ZNF385B: variants seen among roughly 807,000 people sequenced by gnomAD.
The protein encoded by ZNF385B is zinc finger protein 533.
In ZNF385B, 23 loss-of-function variants were observed where a neutral mutation model predicts 39.2. The ratio of observed to expected loss-of-function variants is 0.59; its 90% CI spans 0.42 to 0.83. The LOEUF (loss-of-function observed/expected upper bound fraction) is 0.83. Among genes scored for constraint, ZNF385B ranks in the 40% least tolerant of loss-of-function variants. The pLI, the probability that ZNF385B is intolerant of heterozygous loss-of-function variation, is 0.00. For synonymous variants in ZNF385B, 205 were observed against 222.6 expected, an observed-to-expected ratio of 0.92 and a Z score of 0.70; for missense variants, 552 against 598.9, an observed-to-expected ratio of 0.92 and a Z score of 0.82.
chr2:179,750,475 A>G (rs962153910), intron 3 of ZNF385B, among the ~76,000 whole-genome samples: 1 of 152,176 alleles, frequency 6.6e-6, no homozygotes, highest in Non-Finnish European at 1.5e-5. Context: ...TACTATATGT[A>G]TCATCACCAG....
rs1491147446 is a variant in ZNF385B, at chr2:179,493,715, G to GTATA, written c.553-10282_553-10281insTATA. 4.7e-3 allele frequency among the ~76,000 whole-genome samples: 239 copies of GTATA among 51,052 alleles called. 3 individuals are homozygous for GTATA. Among genetic ancestry groups the GTATA allele is most frequent in the East Asian group, 0.01 (12 of 1,160 alleles). The allele number at this position is 51,052 out of a possible 152,430, so 33.5% of individuals were successfully genotyped here. On this transcript the variant is annotated intron_variant, in intron 5 of 9. Transcript: ENST00000410066. ...TATATACATATATGTATACACATATGCATATACGTATATACATATATGTAT... is the reference window on the plus strand; with the variant it reads ...TATATACATATATGTATACACATATGTATACATATACGTATATACATATATGTAT...
chr2:179,639,893 A>G (rs944537209), intron 3 of ZNF385B, among the ~76,000 whole-genome samples: 15 of 152,190 alleles, frequency 9.9e-5, no homozygotes, highest in African/African-American at 2.9e-4. Context: ...TTATCTCAAC[A>G]TTGCCAGTAA....
chr2:179,823,271 T>C (rs945892176), intron 1 of ZNF385B, among the ~76,000 whole-genome samples: 3 of 152,248 alleles, frequency 2.0e-5, no homozygotes, highest in Non-Finnish European at 4.4e-5. Flanking sequence ...ATTACAAAGC[T>C]GCAGCACAAG....
At chr2:179,456,006 T>C (rs991627932) in intron 6 of ZNF385B, among the ~76,000 whole-genome samples, 1 of 152,154 alleles carries the variant, frequency 6.6e-6, no homozygotes, top group Admixed American at 6.5e-5. Context: ...GTGAGTACTA[T>C]ACACTGAATG....
intron 4 of ZNF385B, among the ~76,000 whole-genome samples, chr2:179,521,364 T>TTTG (rs2058489795): frequency 6.8e-6 from 1 of 147,364 alleles, no homozygotes; most frequent in African/African-American, 2.5e-5. Flanking sequence ...TTTTTTTTTT[T>TTTG]TTTTTTTGTA....
chr2:179,734,962 T>C (rs552066800), intron 3 of ZNF385B, among the ~76,000 whole-genome samples: 4 of 152,128 alleles, frequency 2.6e-5, no homozygotes, highest in South Asian at 2.1e-4. Context: ...ATTCAGGACA[T>C]AGGCATGGGC....
At chr2:179,545,578 A>G (rs575711250) in intron 3 of ZNF385B, among the ~76,000 whole-genome samples, 162 of 152,284 alleles carry the variant, frequency 1.1e-3, no homozygotes, top group Non-Finnish European at 1.9e-3. Flanking sequence ...AGGGTTGATT[A>G]TGGCTTGGCT....
rs373686757 is a variant in ZNF385B at position 179,544,974 on chromosome 2, C to A, written c.299-5G>T. On this transcript the variant is annotated splice_region_variant and splice_polypyrimidine_tract_variant and intron_variant, in intron 3 of 9. Transcript: ENST00000410066. ...TAGTAGTGTGGCATGTACTGCCTGCCAAGAACAAAACAAAAATGAATTCAA... is the reference window on the plus strand; with the variant it reads ...TAGTAGTGTGGCATGTACTGCCTGCAAAGAACAAAACAAAAATGAATTCAA... The A allele has an allele frequency of 1.2e-6, 2 of 1,613,614 alleles. No homozygotes were observed. Among genetic ancestry groups the A allele is most frequent in the South Asian group, 2.2e-5 (2 of 91,054 alleles).
intron 3 of ZNF385B, among the ~76,000 whole-genome samples, chr2:179,708,997 T>C (rs1470078496): frequency 6.6e-6 from 1 of 152,192 alleles, no homozygotes; most frequent in East Asian, 1.9e-4. Flanking sequence ...CATCTGATGA[T>C]AAGAGAGGCG....
At chr2:179,781,591 A>G (rs563552110) in intron 1 of ZNF385B, among the ~76,000 whole-genome samples, 1 of 152,336 alleles carries the variant, frequency 6.6e-6, no homozygotes, top group South Asian at 2.1e-4. Flanking sequence ...AGGCAAAGAC[A>G]TAGAAAGTAT....
At chr2:179,854,390 C>A (rs1575602835) in intron 1 of ZNF385B, among the ~76,000 whole-genome samples, 1 of 151,870 alleles carries the variant, frequency 6.6e-6, no homozygotes, top group Non-Finnish European at 1.5e-5. Context: ...TCTAAACATA[C>A]AATGACACTG....
intron 3 of ZNF385B, among the ~76,000 whole-genome samples, chr2:179,726,269 G>A (rs1701013797): frequency 6.6e-6 from 1 of 151,844 alleles, no homozygotes; most frequent in East Asian, 1.9e-4. Flanking sequence ...ATTATTTGAG[G>A]GCTTCATGCC....
chr2:179,521,602 G>C (rs1361417103), intron 4 of ZNF385B, among the ~76,000 whole-genome samples: 1 of 152,010 alleles, frequency 6.6e-6, no homozygotes, highest in African/African-American at 2.4e-5. Flanking sequence ...TGAAAGGTAA[G>C]TTGAGACTGA....
chr2:179,475,601 C>A (rs1321547187), intron 6 of ZNF385B, among the ~76,000 whole-genome samples: 28 of 151,490 alleles, frequency 1.8e-4, no homozygotes, highest in Non-Finnish European at 5.9e-5. Flanking sequence ...GAGCACCAAT[C>A]CATTACTGCA....
intron 3 of ZNF385B, among the ~76,000 whole-genome samples, chr2:179,652,501 T>A (rs1693282475): frequency 6.6e-6 from 1 of 152,092 alleles, no homozygotes; most frequent in Non-Finnish European, 1.5e-5. Context: ...TTACTAGCAG[T>A]GAGTCTTTAA....
intron 3 of ZNF385B, among the ~76,000 whole-genome samples, chr2:179,610,247 G>A (rs1225641705): frequency 6.6e-6 from 1 of 152,062 alleles, no homozygotes; most frequent in Non-Finnish European, 1.5e-5. Context: ...CAAGAGATAG[G>A]GGTCTAGTTT....
chr2:179,541,395 T>A (rs2059911241), intron 4 of ZNF385B, among the ~76,000 whole-genome samples: 1 of 152,204 alleles, frequency 6.6e-6, no homozygotes, highest in South Asian at 2.1e-4. Flanking sequence ...GTTTATCATA[T>A]AATGTTATCA....
At chr2:179,523,890 C>T (rs2058683172) in intron 4 of ZNF385B, among the ~76,000 whole-genome samples, 2 of 152,070 alleles carry the variant, frequency 1.3e-5, no homozygotes, top group Non-Finnish European at 2.9e-5. Context: ...TCAAATGATC[C>T]TCTCACTTCA....
At chr2:179,849,539 G>A (rs1039351447) in intron 1 of ZNF385B, among the ~76,000 whole-genome samples, 10 of 152,142 alleles carry the variant, frequency 6.6e-5, no homozygotes, top group African/African-American at 1.9e-4. Context: ...AGAATGGGTG[G>A]GGTAAGCAAT....
Sources: gnomAD v4.1 joint callset for allele counts (sites outside exome capture counted in the v4.1 genomes callset) on GRCh38, gnomAD v4.1.1 for gene constraint, MANE v1.5 for transcripts, NCBI Gene and HGNC (gene_info 2026-07-23, HGNC 2026-07-21) for gene names.